The following ANKRD65 variants were observed in gnomAD, a reference collection of about 807,000 sequenced individuals.
ANKRD65 encodes the protein ankyrin repeat domain-containing protein 65.
Under a neutral mutation model 17.2 loss-of-function variants are expected in ANKRD65, and 26 were observed. That is an observed-to-expected ratio of 1.51 (90% CI 1.11 to 2.09). The LOEUF (loss-of-function observed/expected upper bound fraction) is 2.09. ANKRD65 is among the 30% of genes most tolerant of loss of function. The pLI is 0.00. For missense variants in ANKRD65, 621 were observed against 542.2 expected (o/e 1.15, Z -1.44); for synonymous variants, 311 against 272.2 (o/e 1.14, Z -1.40).
In ANKRD65 at chr1:1,420,194, AGGCCCGCGC is replaced by A; in HGVS notation, c.599_607del (p.Gly200_Leu203delinsVal). On this transcript the variant is annotated inframe_deletion, in exon 3 of 4. Transcript: ENST00000537107. ...GGCAGCCACGAGCAGGGCGCCGTCC[AGGCCCGCGC>A]CGCCGGCCGCCAGCAGCTCCAGCAC... The A allele has an allele frequency of 9.9e-7, 1 of 1,006,672 alleles. No homozygotes were observed. The highest frequency in any genetic ancestry group is 1.2e-6 in the Non-Finnish European group (1 of 845,988). 62.4% of individuals were successfully genotyped at this position (1,006,672 alleles called of 1,614,324 possible).
chr1:1,419,699 G>A (rs1319669642), intron 3 of ANKRD65, 150 bp from the exon 4 acceptor site: 2 of 813,278 alleles, frequency 2.5e-6, no homozygotes, highest in Non-Finnish European at 3.8e-6. Context: ...CCGAACCCAA[G>A]GCTGGCCTGC....
chr1:1,419,059 G>A lies in ANKRD65; in HGVS notation c.*41C>T, dbSNP rs754835672. The stretch of plus-strand genomic sequence containing the variant: ...CAGGCAGCCTCAGCCAGAGAGCCTG[G>A]AAATCACTGGGGCGGTGGAGCCTGG... On this transcript the variant is annotated 3_prime_UTR_variant, in exon 4 of 4. Transcript: ENST00000537107. The A allele has an allele frequency of 6.9e-7, 1 of 1,452,424 alleles. No homozygotes were observed. Among genetic ancestry groups the A allele is most frequent in the Non-Finnish European group, 9.1e-7 (1 of 1,096,238 alleles). The allele number at this position is 1,452,424 out of a possible 1,614,324, so 90.0% of individuals were successfully genotyped here. A position where few individuals can be genotyped will look rare whatever the true frequency, so the allele number is the denominator to read the frequency against.
Position 1,420,985 on chromosome 1 carries a change from C to G in ANKRD65, c.21G>C (p.Glu7Asp). 1 of 1,550,506 alleles carries G rather than the reference C, an allele frequency of 6.4e-7. No individual in the cohort carries two copies. The highest frequency in any genetic ancestry group is 8.7e-7 in the Non-Finnish European group (1 of 1,146,936). Residue 7 changes from glutamate to aspartate, a missense_variant, in exon 2 of 4, where the codon GAG (glutamate) becomes GAC (aspartate). By Grantham distance (45) the Glu-to-Asp change is conservative. Transcript: ENST00000537107. ...GTTCCTCCTCCTCCTCCTCTCTGGG[C>G]TCAGGCCTCTGGGAGTCCATCTGGG... MDSQRP[E>D]PREEEEEEQE...
Position 1,419,499 on chromosome 1 carries a change from C to T in ANKRD65, c.801G>A (p.Arg267=). The T allele has an allele frequency of 6.5e-7, 1 of 1,544,206 alleles. No individual in the cohort carries two copies. ...CCCTGTGCAGCGCAGAGCGGCCATG[C>T]CTGTCCCTGATGCCTGGGTCTGCCC... The part of the protein sequence containing the change: ...GHGADPGIRD[R]HGRSALHRAA... Residue 267 remains arginine, a synonymous_variant, in exon 4 of 4, where the codon AGG becomes AGA. Transcript: ENST00000537107.
In ANKRD65 at chr1:1,420,787, G is replaced by A. The variant is rs1263831465; in HGVS notation, c.209+10C>T. On this transcript the variant is annotated intron_variant, in intron 2 of 3. Coordinates refer to ENST00000537107, the MANE Select transcript of ANKRD65 (RefSeq NM_001145210.3). ...AGAAGGGACCCCTTCACCCCCCAGC[G>A]CAGGTGCACCTCTCCTCCACGCTGG... The A allele has an allele frequency of 3.9e-6, 6 of 1,542,502 alleles. No individual in the cohort carries two copies. Among genetic ancestry groups the A allele is most frequent in the Non-Finnish European group, 5.2e-6 (6 of 1,143,328 alleles).
intron 3 of ANKRD65, among the ~76,000 whole-genome samples, chr1:1,419,781 G>GCTGCCCAGGAA (rs1645511745): frequency 6.6e-6 from 1 of 152,212 alleles, no homozygotes; most frequent in Admixed American, 6.5e-5. Flanking sequence ...CACCCTGCCC[G>GCTGCCCAGGAA]CTGCCCAGGA....
Position 1,420,964 on chromosome 1 carries a change from C to T in ANKRD65, c.42G>A (p.Glu14=). Reference sequence around the variant, plus strand: ...GCTCCATCCACCGCAGTTCCTGTTCCTCCTCCTCCTCCTCTCTGGGCTCAG... The same window carrying T: ...GCTCCATCCACCGCAGTTCCTGTTCTTCCTCCTCCTCCTCTCTGGGCTCAG... The part of the protein sequence containing the change: ...QRPEPREEEE[E]EQELRWMELD... Residue 14 remains glutamate, a synonymous_variant, in exon 2 of 4, where the codon GAG becomes GAA. Transcript: ENST00000537107. The T allele has an allele frequency of 1.3e-6, 2 of 1,532,008 alleles. No individual in the cohort carries two copies. Among genetic ancestry groups the T allele is most frequent in the Non-Finnish European group, 1.8e-6 (2 of 1,134,972 alleles). The allele number at this position is 1,532,008 out of a possible 1,614,324, so 94.9% of individuals were successfully genotyped here. A position where few individuals can be genotyped will look rare whatever the true frequency, so the allele number is the denominator to read the frequency against.
At chr1:1,419,974 G>A in intron 3 of ANKRD65, 78 bp downstream of exon 3, 1 of 1,190,732 alleles carries the variant, frequency 8.4e-7, no homozygotes, top group Non-Finnish European at 1.0e-6. Context: ...CCTGGCTCCA[G>A]CTGCCCCGGT....
At chr1:1,421,033 A>T in intron 1 of ANKRD65, 28 bp from the exon 2 acceptor site, 1 of 1,548,196 alleles carries the variant, frequency 6.5e-7, no homozygotes, top group Non-Finnish European at 8.7e-7. Flanking sequence ...TCCTACATCC[A>T]CTGTGGAGGC....
chr1:1,418,983 C>G lies in ANKRD65; in HGVS notation c.*117G>C, dbSNP rs1424053890. ...ACTGCAGCTCAAGCCACATCCCCTACTTTCTCCCATCCCCTCCTCCGGAAG... is the reference window on the plus strand; with the variant it reads ...ACTGCAGCTCAAGCCACATCCCCTAGTTTCTCCCATCCCCTCCTCCGGAAG... On this transcript the variant is annotated 3_prime_UTR_variant, in exon 4 of 4. Transcript: ENST00000537107. 2 of 1,218,394 alleles carry G rather than the reference C, an allele frequency of 1.6e-6. No homozygotes were observed. The highest frequency in any genetic ancestry group is 2.2e-6 in the Non-Finnish European group (2 of 891,850). The allele number at this position is 1,218,394 out of a possible 1,614,324, so 75.5% of individuals were successfully genotyped here.
Position 1,420,780 on chromosome 1 carries a change from C to G in ANKRD65, c.209+17G>C. The G allele has an allele frequency of 6.5e-7, 1 of 1,539,952 alleles. No homozygotes were observed. The highest frequency in any genetic ancestry group is 8.8e-7 in the Non-Finnish European group (1 of 1,142,116). ...CACCCAGAGAAGGGACCCCTTCACC[C>G]CCCAGCGCAGGTGCACCTCTCCTCC... On this transcript the variant is annotated intron_variant, in intron 2 of 3. Transcript: ENST00000537107.
Position 1,419,425 on chromosome 1 carries a change from C to G in ANKRD65, c.875G>C (p.Gly292Ala), listed in dbSNP as rs1645503562. Residue 292 changes from glycine (G) to alanine (A), a missense_variant, in exon 4 of 4, where the codon GGG (glycine) becomes GCG (alanine). Physicochemically the swap from Gly to Ala is moderately conservative, Grantham distance 60. Transcript: ENST00000537107. ...GGTGTCCCGCGCATCCACCTCGGCCCCCTGGGTGACCAGCAACTGGACGGC... is the reference window on the plus strand; with the variant it reads ...GGTGTCCCGCGCATCCACCTCGGCCGCCTGGGTGACCAGCAACTGGACGGC... The part of the protein sequence containing the change: ...LLAVQLLVTQ[G>A]AEVDARDTLG... 6.5e-7 allele frequency: 1 copy of G among 1,549,610 alleles called. No individual in the cohort carries two copies. Among genetic ancestry groups the G allele is most frequent in the Non-Finnish European group, 8.7e-7 (1 of 1,146,844 alleles).
At chr1:1,420,030 C>CA in intron 3 of ANKRD65, 22 bp downstream of exon 3, 1 of 1,265,216 alleles carries the variant, frequency 7.9e-7, no homozygotes, top group South Asian at 2.5e-5. Flanking sequence ...CCCATCACTG[C>CA]CGGGCGGAGG....
chr1:1,420,823 C>A lies in ANKRD65; in HGVS notation c.183G>T (p.Leu61=). The A allele has an allele frequency of 6.5e-7, 1 of 1,548,744 alleles. No individual in the cohort carries two copies. The highest frequency in any genetic ancestry group is 1.2e-5 in the South Asian group (1 of 83,970). Residue 61 remains leucine, a synonymous_variant, in exon 2 of 4, where the codon CTG becomes CTT. Transcript: ENST00000537107. ...TCTCCTCCACGCTGGCACCTTGCCG[C>A]AGCAGCTGCGTCACCAGGCCTGCAG... The part of the protein sequence containing the change: ...RGPAGLVTQL[L]RQGASVEERD...
intron 3 of ANKRD65, 131 bp downstream of exon 3, chr1:1,419,920 CG>C: frequency 1.9e-6 from 2 of 1,037,478 alleles, no homozygotes; most frequent in South Asian, 3.8e-5. Context: ...GGGGCACAGC[CG>C]GGGGCGCGCT....
At chr1:1,421,092 C>G (rs1015424054) in intron 1 of ANKRD65, 41 bp downstream of exon 1, 48 of 1,334,474 alleles carry the variant, frequency 3.6e-5, no homozygotes, top group Non-Finnish European at 4.9e-5. Flanking sequence ...GCCCCCCATT[C>G]CAGTTACCAC....
rs1570098670 is a variant in ANKRD65 at position 1,421,234 on chromosome 1, C to G, written c.-102G>C. ...GGTGACCCTCTTCACAAAATCCCTT[C>G]TGCAGGCTTTGGGGTGGAGTGTCTG... is the stretch of plus-strand genomic sequence containing the variant. On this transcript the variant is annotated 5_prime_UTR_variant, in exon 1 of 4. Coordinates refer to ENST00000537107, the MANE Select transcript of ANKRD65 (RefSeq NM_001145210.3). 3 of 567,674 alleles carry G rather than the reference C, an allele frequency of 5.3e-6. No individual in the cohort carries two copies. The highest frequency in any genetic ancestry group is 9.4e-6 in the Non-Finnish European group (3 of 318,480). The allele number at this position is 567,674 out of a possible 1,614,324, so 35.2% of individuals were successfully genotyped here. A position where few individuals can be genotyped will look rare whatever the true frequency, so the allele number is the denominator to read the frequency against.
intron 2 of ANKRD65, 59 bp from the exon 3 acceptor site, chr1:1,420,651 G>GGCCCCCCCCCCC (rs1645538499): frequency 8.0e-7 from 1 of 1,252,860 alleles, no homozygotes; most frequent in East Asian, 3.1e-5. Flanking sequence ...ACCCCGCCCT[G>GGCCCCCCCCCCC]CCCCACCCCG....
chr1:1,421,145 G>C lies in ANKRD65; in HGVS notation c.-13C>G. On this transcript the variant is annotated 5_prime_UTR_variant, in exon 1 of 4. Coordinates refer to ENST00000537107, the MANE Select transcript of ANKRD65 (RefSeq NM_001145210.3). ...TTGGCTCTGTTACCCAAGGGAGCTG[G>C]CTCAGGAGCTTTCTGCTCTGGCTGA... 1.2e-6 allele frequency: 1 copy of C among 822,536 alleles called. No individual in the cohort carries two copies. Among genetic ancestry groups the C allele is most frequent in the East Asian group, 2.7e-5 (1 of 37,280 alleles). The allele number at this position is 822,536 out of a possible 1,614,324, so 51.0% of individuals were successfully genotyped here. A position where few individuals can be genotyped will look rare whatever the true frequency, so the allele number is the denominator to read the frequency against.
Sources: allele counts gnomAD v4.1 joint callset (sites outside exome capture counted in the v4.1 genomes callset), GRCh38; gene constraint gnomAD v4.1.1; transcripts MANE v1.5; gene names NCBI Gene and HGNC (gene_info 2026-07-23, HGNC 2026-07-21).